NDRG1: variants seen among roughly 807,000 people sequenced by gnomAD.
NDRG1 encodes N-myc downstream regulated 1.
A neutral mutation model predicts 56.9 loss-of-function variants in NDRG1; 32 were observed. That is an observed-to-expected ratio of 0.56 (90% CI 0.42 to 0.76). The LOEUF (loss-of-function observed/expected upper bound fraction) is 0.76, where lower values mean the gene tolerates loss of function less well. Among genes scored for constraint, NDRG1 ranks in the 30% least tolerant of loss-of-function variants. The pLI, the probability that NDRG1 is intolerant of heterozygous loss-of-function variation, is 0.00. For synonymous variants in NDRG1, 211 were observed against 204.1 expected, an observed-to-expected ratio of 1.03 and a Z score of -0.29; for missense variants, 507 against 545.7, an observed-to-expected ratio of 0.93 and a Z score of 0.71.
chr8:133,256,761 C>A lies in NDRG1; in HGVS notation c.537+16G>T, dbSNP rs768664040. On this transcript the variant is annotated intron_variant, in intron 8 of 15. Coordinates refer to ENST00000323851, the MANE Select transcript of NDRG1 (RefSeq NM_006096.4). ...TCTTGCAGGGATCCCGCCGGCCTGA[C>A]AGGCCCCCACCTCACCTTGGAGGCG... The A allele has an allele frequency of 6.2e-7, 1 of 1,613,758 alleles. No individual in the cohort carries two copies. The highest frequency in any genetic ancestry group is 8.5e-7 in the Non-Finnish European group (1 of 1,179,828).
intron 3 of NDRG1, among the ~76,000 whole-genome samples, chr8:133,267,068 C>T (rs1412589350): frequency 3.3e-5 from 5 of 152,112 alleles, no homozygotes; most frequent in African/African-American, 4.8e-5. Context: ...CAGGGGTTCC[C>T]GACACTCACT....
intron 2 of NDRG1, among the ~76,000 whole-genome samples, chr8:133,281,295 T>C (rs765815269): frequency 2.8e-4 from 42 of 150,592 alleles, no homozygotes; most frequent in Non-Finnish European, 1.5e-4. Flanking sequence ...AGACAGAGGT[T>C]GCAGTGAGCC....
chr8:133,264,687 T>C (rs376786966), intron 3 of NDRG1, 35 bp from the exon 4 acceptor site: 2 of 1,563,692 alleles, frequency 1.3e-6, no homozygotes, highest in African/African-American at 1.4e-5. Context: ...GCTGGTCATG[T>C]GGGGTTCATG....
Position 133,242,004 on chromosome 8 carries a change from C to T in NDRG1, c.943+19G>A, listed in dbSNP as rs113140810. 122 of 1,614,088 alleles carry T rather than the reference C, an allele frequency of 7.6e-5. 7 individuals are homozygous for T. Among genetic ancestry groups the T allele is most frequent in the African/African-American group, 4.3e-4 (32 of 75,032 alleles). On this transcript the variant is annotated intron_variant, in intron 15 of 15. Transcript: ENST00000323851. The stretch of plus-strand genomic sequence containing the variant: ...GACACATGCCCCGACCCACTGCACA[C>T]GGGGAATGCCATACTCACTGTATCC...
intron 3 of NDRG1, among the ~76,000 whole-genome samples, chr8:133,268,010 CTCA>C (rs1857003967): frequency 1.3e-5 from 2 of 152,120 alleles, no homozygotes; most frequent in African/African-American, 2.4e-5. Flanking sequence ...AGATTTTTGA[CTCA>C]TCTCTTTGAA....
At chr8:133,284,970 T>C in intron 1 of NDRG1, 1 of 402,226 alleles carries the variant, frequency 2.5e-6, no homozygotes, top group African/African-American at 2.1e-5. Context: ...CAGTACAATT[T>C]TGTAAGAAAA....
At chr8:133,289,006 T>C (rs1426659863) in intron 1 of NDRG1, among the ~76,000 whole-genome samples, 1 of 152,236 alleles carries the variant, frequency 6.6e-6, no homozygotes, top group Non-Finnish European at 1.5e-5. Flanking sequence ...GGGGAAGGCT[T>C]GCAGGCCATG....
chr8:133,288,970 G>A (rs1176826656), intron 1 of NDRG1, among the ~76,000 whole-genome samples: 2 of 152,246 alleles, frequency 1.3e-5, no homozygotes, highest in Non-Finnish European at 2.9e-5. Flanking sequence ...ACCAATGCCA[G>A]AGAAGCGAAA....
chr8:133,295,166 A>C (rs753371061), intron 1 of NDRG1, among the ~76,000 whole-genome samples: 1 of 152,212 alleles, frequency 6.6e-6, no homozygotes, highest in Non-Finnish European at 1.5e-5. Flanking sequence ...CCACCCATGC[A>C]CAGTCTATTA....
At chr8:133,271,179 A>T (rs910936589) in intron 3 of NDRG1, among the ~76,000 whole-genome samples, 5 of 152,166 alleles carry the variant, frequency 3.3e-5, no homozygotes, top group African/African-American at 1.2e-4. Flanking sequence ...CTAGGCTCTA[A>T]GAGGATCACC....
chr8:133,239,588 C>T (rs542628834), intron 15 of NDRG1: 7 of 193,476 alleles, frequency 3.6e-5, no homozygotes, highest in South Asian at 1.2e-4. Context: ...AGGGGCCACA[C>T]GGCAAGTTCC....
At chr8:133,268,863 T>TCACA (rs10569573) in intron 3 of NDRG1, among the ~76,000 whole-genome samples, 52,711 of 149,314 alleles carry the variant, frequency 0.35, 9,986 homozygotes, top group South Asian at 0.61. Context: ...ATCCCCTAAG[T>TCACA]CACACACACA....
At chr8:133,273,732 C>A (rs1857310525) in intron 3 of NDRG1, among the ~76,000 whole-genome samples, 1 of 152,228 alleles carries the variant, frequency 6.6e-6, no homozygotes, top group East Asian at 1.9e-4. Context: ...AAGAGGCCAA[C>A]ACCCCTCACC....
intron 2 of NDRG1, among the ~76,000 whole-genome samples, chr8:133,281,397 TATCTTTTAC>T (rs989360078): frequency 5.9e-5 from 9 of 151,564 alleles, no homozygotes; most frequent in African/African-American, 2.2e-4. Context: ...GCCCAAATTC[TATCTTTTAC>T]CAGAGCTGTC....
At chr8:133,244,206 C>T in intron 14 of NDRG1, 149 bp downstream of exon 14, 1 of 976,950 alleles carries the variant, frequency 1.0e-6, no homozygotes, top group South Asian at 1.4e-5. Flanking sequence ...GAATCAGAGT[C>T]CTCCTATATA....
chr8:133,269,599 T>C (rs1340570598), intron 3 of NDRG1, among the ~76,000 whole-genome samples: 1 of 152,236 alleles, frequency 6.6e-6, no homozygotes, highest in Non-Finnish European at 1.5e-5. Flanking sequence ...ACAGCTGGAA[T>C]AATGGGGCAG....
At chr8:133,271,178 A>G (rs985149553) in intron 3 of NDRG1, among the ~76,000 whole-genome samples, 41 of 152,258 alleles carry the variant, frequency 2.7e-4, no homozygotes, top group African/African-American at 9.9e-4. Context: ...TCTAGGCTCT[A>G]AGAGGATCAC....
rs1855411466 is a variant in NDRG1, at chr8:133,242,007, G to A, written c.943+16C>T. ...ACATGCCCCGACCCACTGCACACGG[G>A]GAATGCCATACTCACTGTATCCCAT... On this transcript the variant is annotated intron_variant, in intron 15 of 15. Transcript: ENST00000323851. The A allele has an allele frequency of 1.2e-6, 2 of 1,613,986 alleles. No individual in the cohort carries two copies. The highest frequency in any genetic ancestry group is 2.7e-5 in the African/African-American group (2 of 74,920).
At chr8:133,275,155 C>T (rs987556028) in intron 3 of NDRG1, among the ~76,000 whole-genome samples, 1 of 152,216 alleles carries the variant, frequency 6.6e-6, no homozygotes. Context: ...TGCACTGCAT[C>T]TTCTGAAGGA....
Sources: allele counts gnomAD v4.1 joint callset (sites outside exome capture counted in the v4.1 genomes callset), GRCh38; gene constraint gnomAD v4.1.1; transcripts MANE v1.5; gene names NCBI Gene and HGNC (gene_info 2026-07-23, HGNC 2026-07-21).